Variants in FAS observed in about 807,000 individuals in gnomAD.
FAS encodes the protein tumor necrosis factor receptor superfamily member 6.
FAS carries 5 observed loss-of-function variants against 33.2 expected under a neutral mutation model. The observed-to-expected ratio is 0.15, with a 90% CI of 0.08 to 0.32. FAS has a LOEUF of 0.32. FAS is among the 10% of genes least tolerant of loss of function. The probability of loss-of-function intolerance (pLI) is 1.00; values close to 1 mark genes in which losing one functional copy is unlikely to be tolerated. For missense variants in FAS, 339 were observed against 386.0 expected (o/e 0.88, Z 1.02); for synonymous variants, 131 against 130.7 (o/e 1.00, Z -0.01).
intron 2 of FAS, chr10:88,973,443 C>A: frequency 9.3e-7 from 1 of 1,071,116 alleles, no homozygotes; most frequent in Non-Finnish European, 1.2e-6. Context: ...CTCTGCCTTT[C>A]CTTTCTAAAG....
chr10:88,999,094 A>G (rs1174650190), intron 1 of FAS, among the ~76,000 whole-genome samples: 2 of 151,844 alleles, frequency 1.3e-5, no homozygotes, highest in South Asian at 2.1e-4. Context: ...CGGAGCTTGC[A>G]GTGAGCCGAG....
chr10:88,990,955 G>A lies in FAS; in HGVS notation c.30+49G>A. 1 of 1,613,714 alleles carries A rather than the reference G, an allele frequency of 6.2e-7. No individual in the cohort carries two copies. The highest frequency in any genetic ancestry group is 2.2e-5 in the East Asian group (1 of 44,864). ...GAGGCTTACCCCGTCTTAGTCCCGG[G>A]GATAGGCAAAGTGGGGCGGGCGCGG... is the stretch of plus-strand genomic sequence containing the variant. On this transcript the variant is annotated intron_variant, in intron 1 of 8. Transcript: ENST00000652046. This position sits in a 1 kb window ranked among gnomAD's most constrained non-coding sequence, Gnocchi z 4.9.
At chr10:88,966,553 G>T (rs141251927) in intron 1 of FAS, among the ~76,000 whole-genome samples, 1 of 152,130 alleles carries the variant, frequency 6.6e-6, no homozygotes. Context: ...TATCTGTGGC[G>T]TCTGTGAGGT....
chr10:88,966,213 G>A (rs1214874995), intron 1 of FAS, among the ~76,000 whole-genome samples: 2 of 152,188 alleles, frequency 1.3e-5, no homozygotes, highest in Non-Finnish European at 2.9e-5. Flanking sequence ...CAAAAATACA[G>A]AAGAATAGTA....
chr10:88,998,301 A>C (rs1366796459), intron 1 of FAS, among the ~76,000 whole-genome samples: 1 of 151,290 alleles, frequency 6.6e-6, no homozygotes, highest in African/African-American at 2.4e-5. Flanking sequence ...TTAATTTAGA[A>C]ATTTATACTG....
intron 2 of FAS, among the ~76,000 whole-genome samples, chr10:88,978,889 CTAT>C (rs968103940): frequency 1.8e-4 from 27 of 151,356 alleles, no homozygotes; most frequent in African/African-American, 6.3e-4. Flanking sequence ...GATCTCTTCT[CTAT>C]TATTATTATT....
Position 89,014,118 on chromosome 10 carries a change from G to T in FAS, c.677-1G>T. Reference sequence around the variant, plus strand: ...TTTTCAGACTATTTTCTATTTTTCAGATGTTGACTTGAGTAAATATATCAC... The same window carrying T: ...TTTTCAGACTATTTTCTATTTTTCATATGTTGACTTGAGTAAATATATCAC... On this transcript the variant is annotated splice_acceptor_variant, in intron 8 of 8. Coordinates refer to ENST00000652046, the MANE Select transcript of FAS (RefSeq NM_000043.6). LOFTEE classifies it high-confidence loss of function. 2 of 1,613,096 alleles carry T rather than the reference G, an allele frequency of 1.2e-6. No homozygotes were observed. Among genetic ancestry groups the T allele is most frequent in the Non-Finnish European group, 1.7e-6 (2 of 1,179,788 alleles).
At chr10:88,991,690 C>T in intron 1 of FAS, 1 of 152,698 alleles carries the variant, frequency 6.5e-6, no homozygotes, top group Non-Finnish European at 1.5e-5. Flanking sequence ...TCTTCTTTTG[C>T]CCTTTCTTAG....
intron 1 of FAS, among the ~76,000 whole-genome samples, chr10:88,991,882 T>C (rs576362822): frequency 6.6e-6 from 1 of 152,136 alleles, no homozygotes; most frequent in South Asian, 2.1e-4. Flanking sequence ...TCCAGGAGGC[T>C]CATTTGAGTA....
rs1484279141 is a variant in FAS, at chr10:88,999,218, T to G, written c.31-3811T>G. Among the ~76,000 whole-genome samples the G allele has an allele frequency of 2.0e-5, 3 of 152,052 alleles. No individual in the cohort carries two copies. The East Asian group carries it at 5.8e-4, about 29-fold the overall frequency. ...AAAATCTCACTTTCTGTTTCTACTGTTCTCTCAAGTACCCCTCTGCCTTCT... is the reference window on the plus strand; with the variant it reads ...AAAATCTCACTTTCTGTTTCTACTGGTCTCTCAAGTACCCCTCTGCCTTCT... On this transcript the variant is annotated intron_variant, in intron 1 of 8. Transcript: ENST00000652046.
chr10:89,004,979 G>C (rs1011815407), intron 2 of FAS, among the ~76,000 whole-genome samples: 11 of 152,256 alleles, frequency 7.2e-5, no homozygotes, highest in African/African-American at 2.4e-4. Flanking sequence ...TACAAATACA[G>C]AGAAAAGACA....
chr10:88,975,305 G>A (rs927834041), intron 2 of FAS, among the ~76,000 whole-genome samples: 3 of 152,212 alleles, frequency 2.0e-5, no homozygotes, highest in South Asian at 2.1e-4. Context: ...GGAAGAAACC[G>A]TGTACAGAGC....
chr10:88,989,464 ATT>A (rs1564667903), upstream of FAS: 1 of 541,994 alleles, frequency 1.8e-6, no homozygotes, highest in Non-Finnish European at 3.7e-6. Flanking sequence ...TTTTGTGTCT[ATT>A]AGATGCTCAG....
rs1243951121 is a variant in FAS, at chr10:89,007,753, C to T, written c.250C>T (p.Pro84Ser). The T allele has an allele frequency of 1.9e-6, 3 of 1,614,016 alleles. No individual in the cohort carries two copies. Among genetic ancestry groups the T allele is most frequent in the East Asian group, 4.5e-5 (2 of 44,882 alleles). Residue 84 changes from proline (P) to serine (S), a missense_variant, in exon 3 of 9, where the codon CCC becomes TCC. Around this residue, in one of 3 missense-constraint regions of FAS, gnomAD observed 276 missense variants for 300.1 expected, o/e 0.92. Coordinates refer to ENST00000652046, the MANE Select transcript of FAS (RefSeq NM_000043.6). ...CAATGGGGATGAACCAGACTGCGTG[C>T]CCTGCCAAGAAGGGAAGGAGTACAC... ...TVNGDEPDCV[P>S]CQEGKEYTDK...
chr10:88,972,861 C>T (rs1846480721), intron 1 of FAS, among the ~76,000 whole-genome samples: 1 of 152,044 alleles, frequency 6.6e-6, no homozygotes, highest in Non-Finnish European at 1.5e-5. Context: ...ATTGTTTTTC[C>T]AGTGTCTACT....
chr10:88,986,532 T>C (rs1285464755), upstream of FAS, among the ~76,000 whole-genome samples: 1 of 152,222 alleles, frequency 6.6e-6, no homozygotes. Flanking sequence ...GGAGACTTAA[T>C]AATTTGCTGC....
chr10:88,996,322 A>G (rs1056457920), intron 1 of FAS, among the ~76,000 whole-genome samples: 5 of 152,050 alleles, frequency 3.3e-5, no homozygotes, highest in Non-Finnish European at 5.9e-5. Context: ...CTTGATTTTA[A>G]AAATTGGGCC....
At chr10:88,968,150 T>C (rs1846354120) in intron 1 of FAS, among the ~76,000 whole-genome samples, 1 of 152,208 alleles carries the variant, frequency 6.6e-6, no homozygotes, top group Admixed American at 6.5e-5. Flanking sequence ...AACTTGTATT[T>C]TGCATATTTA....
intron 1 of FAS, among the ~76,000 whole-genome samples, chr10:88,972,317 C>T (rs1458751181): frequency 6.6e-6 from 1 of 152,036 alleles, no homozygotes; most frequent in African/African-American, 2.4e-5. Context: ...CTTCAGGCAG[C>T]AGGAAATTAA....
Sources: allele counts gnomAD v4.1 joint callset (sites outside exome capture counted in the v4.1 genomes callset), GRCh38; gene constraint gnomAD v4.1.1; regional missense constraint gnomAD v4.1.1; non-coding constraint Gnocchi (gnomAD v3.1); transcripts MANE v1.5; gene names NCBI Gene and HGNC (gene_info 2026-07-23, HGNC 2026-07-21).